GRIN2B: variants seen among roughly 807,000 people sequenced by gnomAD.
GRIN2B encodes the protein glutamate ionotropic receptor NMDA type subunit 2B, also known as glutamate receptor ionotropic, NMDA 2B.
Under a neutral mutation model 114.5 loss-of-function variants are expected in GRIN2B, and 5 were observed. The ratio of observed to expected loss-of-function variants is 0.04; its 90% CI spans 0.02 to 0.09. The LOEUF (loss-of-function observed/expected upper bound fraction) is 0.09. Among genes scored for constraint, GRIN2B ranks in the 10% least tolerant of loss-of-function variants. The probability of loss-of-function intolerance (pLI) is 1.00; values close to 1 mark genes in which losing one functional copy is unlikely to be tolerated. For missense variants in GRIN2B, 1,108 were observed against 1,943.5 expected, an observed-to-expected ratio of 0.57 and a Z score of 8.08; for synonymous variants, 787 against 745.1, an observed-to-expected ratio of 1.06 and a Z score of -0.92.
intron 3 of GRIN2B, among the ~76,000 whole-genome samples, chr12:13,834,114 T>C (rs1865207045): frequency 7.2e-6 from 1 of 139,344 alleles, no homozygotes; most frequent in African/African-American, 2.6e-5. Flanking sequence ...CACTGCAAGC[T>C]CTGCCTCCCG....
chr12:13,765,397 G>A (rs903987843), intron 3 of GRIN2B, among the ~76,000 whole-genome samples: 4 of 152,202 alleles, frequency 2.6e-5, no homozygotes, highest in Admixed American at 2.6e-4. Context: ...CTGACTTTCA[G>A]AAATTCATCT....
At chr12:13,761,856 TAAAC>T (rs918247176) in intron 3 of GRIN2B, among the ~76,000 whole-genome samples, 6 of 152,326 alleles carry the variant, frequency 3.9e-5, no homozygotes, top group Non-Finnish European at 8.8e-5. Flanking sequence ...GTGTACATAT[TAAAC>T]TAAGTGTTAA....
At chr12:13,893,992 A>G (rs1222726902) in intron 2 of GRIN2B, among the ~76,000 whole-genome samples, 1 of 152,114 alleles carries the variant, frequency 6.6e-6, no homozygotes, top group African/African-American at 2.4e-5. Context: ...TATTACTCAT[A>G]ATTACAGAAA....
intron 10 of GRIN2B, among the ~76,000 whole-genome samples, chr12:13,588,257 A>G (rs909353587): frequency 6.6e-6 from 1 of 152,214 alleles, no homozygotes; most frequent in African/African-American, 2.4e-5. Flanking sequence ...ACAGCAAAGA[A>G]TGCTGTAAAA....
intron 5 of GRIN2B, among the ~76,000 whole-genome samples, chr12:13,669,756 T>TGGA (rs1950006342): frequency 1.3e-5 from 2 of 152,240 alleles, no homozygotes; most frequent in Admixed American, 1.3e-4. Flanking sequence ...TGAGCGGGGA[T>TGGA]GGAGGAGCTG....
chr12:13,852,958 C>A (rs778503791), intron 3 of GRIN2B, among the ~76,000 whole-genome samples: 1 of 152,136 alleles, frequency 6.6e-6, no homozygotes, highest in Non-Finnish European at 1.5e-5. Context: ...TATACTGACC[C>A]TCCTATTACT....
At chr12:13,936,633 T>C (rs907020668) in intron 2 of GRIN2B, among the ~76,000 whole-genome samples, 5 of 152,168 alleles carry the variant, frequency 3.3e-5, no homozygotes, top group African/African-American at 1.2e-4. Flanking sequence ...TAAAACATAT[T>C]ATCCAAAATG....
At chr12:13,660,946 T>A (rs1366238036) in intron 5 of GRIN2B, among the ~76,000 whole-genome samples, 1 of 152,212 alleles carries the variant, frequency 6.6e-6, no homozygotes, top group Non-Finnish European at 1.5e-5. Flanking sequence ...CTTAAAATCA[T>A]CAAGCTTTCT....
chr12:13,581,433 G>A (rs1376698441), intron 10 of GRIN2B, among the ~76,000 whole-genome samples: 1 of 152,190 alleles, frequency 6.6e-6, no homozygotes, highest in Non-Finnish European at 1.5e-5. Context: ...GGGAGGAAGT[G>A]GCTGCAGGAA....
intron 3 of GRIN2B, among the ~76,000 whole-genome samples, chr12:13,769,021 AAG>A (rs1355364883): frequency 1.3e-5 from 2 of 152,176 alleles, no homozygotes; most frequent in Non-Finnish European, 2.9e-5. Flanking sequence ...GCAACAGAGT[AAG>A]ACTCTGTCTC....
At position 13,764,105 on chromosome 12, in the gene GRIN2B, C is replaced by T. The variant is rs1043025192; in HGVS notation, c.412-10190G>A. Among the ~76,000 whole-genome samples, 8 of 149,268 alleles carry T rather than the reference C, an allele frequency of 5.4e-5. No homozygotes were observed. In the Admixed American group the frequency reaches 5.4e-4, roughly 10 times the overall value. On this transcript the variant is annotated intron_variant, in intron 3 of 13. Transcript: ENST00000609686. ...GCTCCTAACCTGATACAGGGAGAAA[C>T]ACACGAAAACTACTTTTCTAACCAC...
chr12:13,763,476 G>A (rs1165906296), intron 3 of GRIN2B, among the ~76,000 whole-genome samples: 1 of 152,124 alleles, frequency 6.6e-6, no homozygotes, highest in Admixed American at 6.5e-5. Flanking sequence ...CAACTACATT[G>A]GACGGTCCAT....
chr12:13,844,785 T>C (rs573740675), intron 3 of GRIN2B, among the ~76,000 whole-genome samples: 34 of 152,356 alleles, frequency 2.2e-4, no homozygotes, highest in African/African-American at 8.2e-4. Context: ...TTTCCCATAC[T>C]GCACAATCGT....
intron 2 of GRIN2B, among the ~76,000 whole-genome samples, chr12:13,971,746 T>C (rs1591647729): frequency 6.6e-6 from 1 of 152,320 alleles, no homozygotes; most frequent in African/African-American, 2.4e-5. Flanking sequence ...CAGAGGATGT[T>C]TGCAAAACCA....
chr12:13,842,123 A>G (rs1401816969), intron 3 of GRIN2B, among the ~76,000 whole-genome samples: 1 of 152,168 alleles, frequency 6.6e-6, no homozygotes, highest in Non-Finnish European at 1.5e-5. Context: ...CACTGCCAGT[A>G]TGGGTCATGG....
intron 3 of GRIN2B, among the ~76,000 whole-genome samples, chr12:13,818,476 A>T (rs1421602604): frequency 1.3e-5 from 2 of 152,250 alleles, no homozygotes; most frequent in Non-Finnish European, 2.9e-5. Flanking sequence ...GTGTTATTTC[A>T]GTCTAAGAGT....
At chr12:13,654,941 T>C (rs1483383909) in intron 5 of GRIN2B, among the ~76,000 whole-genome samples, 1 of 152,086 alleles carries the variant, frequency 6.6e-6, no homozygotes, top group Non-Finnish European at 1.5e-5. Context: ...GAAACAGGCT[T>C]ACACCTGTTA....
rs528015385 is a variant in GRIN2B, at chr12:13,906,441, C to T, written c.-18-40215G>A. On this transcript the variant is annotated intron_variant, in intron 2 of 13. Coordinates refer to ENST00000609686, the MANE Select transcript of GRIN2B (RefSeq NM_000834.5). ...TGTATTCAATCAATTGCAAGAACAA[C>T]TTTTTGAGTTTCAATAACAATAGGG... Among the ~76,000 whole-genome samples the T allele has an allele frequency of 2.0e-5, 3 of 152,298 alleles. No individual in the cohort carries two copies. The East Asian group carries it at 5.8e-4, about 29-fold the overall frequency.
At chr12:13,761,797 CAGGAAAAT>C (rs1340512304) in intron 3 of GRIN2B, among the ~76,000 whole-genome samples, 17 of 151,666 alleles carry the variant, frequency 1.1e-4, no homozygotes, top group African/African-American at 4.1e-4. Flanking sequence ...GGGAAGAAGG[CAGGAAAAT>C]AGGAAAGGTT....
Sources: gnomAD v4.1 joint callset for allele counts (sites outside exome capture counted in the v4.1 genomes callset) on GRCh38, gnomAD v4.1.1 for gene constraint, MANE v1.5 for transcripts, NCBI Gene and HGNC (gene_info 2026-07-23, HGNC 2026-07-21) for gene names.